SLC12A7: variants seen among roughly 807,000 people sequenced by gnomAD.
The protein encoded by SLC12A7 is solute carrier family 12 member 7, also known as K-Cl cotransporter 4.
In SLC12A7, 100 loss-of-function variants were observed where a neutral mutation model predicts 120.6. The ratio of observed to expected loss-of-function variants is 0.83; its 90% CI spans 0.71 to 0.98. SLC12A7 has a LOEUF of 0.98. Among genes scored for constraint, SLC12A7 ranks in the 50% least tolerant of loss-of-function variants. The pLI is 0.00. For missense variants in SLC12A7, 1,373 were observed against 1,548.1 expected (o/e 0.89, Z 1.90); for synonymous variants, 760 against 678.0 (o/e 1.12, Z -1.88).
rs372556472 is a variant in SLC12A7, at chr5:1,075,417, C to T, written c.1921G>A (p.Ala641Thr). Residue 641 changes from alanine to threonine, a missense_variant, in exon 15 of 24, where the codon GCC becomes ACC. Coordinates refer to ENST00000264930, the MANE Select transcript of SLC12A7 (RefSeq NM_006598.3). ...TAGATGCAGCCAGCGATGAGCATGGCGGACAGCGCGTAGTACCAGGAGCAG... is the reference window on the plus strand; with the variant it reads ...TAGATGCAGCCAGCGATGAGCATGGTGGACAGCGCGTAGTACCAGGAGCAG... The part of the protein sequence containing the change: ...FICSWYYALS[A>T]MLIAGCIYKY... 6 of 1,612,320 alleles carry T rather than the reference C, an allele frequency of 3.7e-6. No homozygotes were observed. In the African/African-American group the frequency reaches 4.0e-5, roughly 11 times the overall value.
intron 3 of SLC12A7, among the ~76,000 whole-genome samples, chr5:1,090,423 G>A (rs1217037928): frequency 1.3e-5 from 2 of 152,230 alleles, no homozygotes; most frequent in Non-Finnish European, 2.9e-5. Flanking sequence ...TCTGACGGGG[G>A]CCCTGGAGAG....
intron 10 of SLC12A7, among the ~76,000 whole-genome samples, chr5:1,079,034 C>T (rs1738691412): frequency 6.6e-6 from 1 of 152,142 alleles, no homozygotes; most frequent in Non-Finnish European, 1.5e-5. Flanking sequence ...CAGGGATTGG[C>T]AGGGGACCAT....
intron 7 of SLC12A7, 118 bp downstream of exon 7, chr5:1,085,114 C>A (rs1363474531): frequency 2.8e-6 from 4 of 1,418,228 alleles, no homozygotes; most frequent in Non-Finnish European, 3.8e-6. Flanking sequence ...ACGGTCACAC[C>A]CAGCCCACCC....
intron 4 of SLC12A7, 86 bp from the exon 5 acceptor site, chr5:1,088,446 G>C: frequency 9.9e-6 from 14 of 1,409,298 alleles, no homozygotes; most frequent in Non-Finnish European, 1.3e-5. Flanking sequence ...TCTATGACCC[G>C]GCTCCCGCCG....
chr5:1,139,458 G>A, the SLC12A7 span, among the ~76,000 whole-genome samples: 1 of 152,282 alleles, frequency 6.6e-6, no homozygotes, highest in Admixed American at 6.5e-5. Flanking sequence ...CTGGGAGCTG[G>A]GGCGGTTGAC....
intron 17 of SLC12A7, among the ~76,000 whole-genome samples, chr5:1,066,023 A>G (rs10474873): frequency 0.44 from 66,804 of 151,854 alleles, 15,116 homozygotes; most frequent in East Asian, 0.57. Context: ...ATGAGGCTGC[A>G]CCACGGAACG....
intron 17 of SLC12A7, among the ~76,000 whole-genome samples, chr5:1,069,752 C>T (rs1471065354): frequency 6.6e-6 from 1 of 152,166 alleles, no homozygotes; most frequent in Non-Finnish European, 1.5e-5. Context: ...GATGGGACCC[C>T]ACAGGCTTTC....
intron 17 of SLC12A7, among the ~76,000 whole-genome samples, chr5:1,068,194 G>A (rs899525775): frequency 6.6e-5 from 10 of 152,230 alleles, no homozygotes; most frequent in African/African-American, 2.4e-4. Flanking sequence ...CAGCACTTTG[G>A]GAGGCCGAAG....
In SLC12A7 at chr5:1,077,931, A is replaced by C. The variant is rs750160573; in HGVS notation, c.1531T>G (p.Ser511Ala). ...WPSPWVIVIG[S>A]FFSTCGAGLQ... ...CCGGCACCGCAGGTGGAGAAGAAGG[A>C]GCCGATGACGATGACCCAGGGGGAG... Residue 511 changes from serine to alanine, a missense_variant, in exon 12 of 24, where the codon TCC (serine) becomes GCC (alanine). Physicochemically the swap from Ser to Ala is moderately conservative, Grantham distance 99. Coordinates refer to ENST00000264930, the MANE Select transcript of SLC12A7 (RefSeq NM_006598.3). 1.9e-6 allele frequency: 3 copies of C among 1,601,720 alleles called. No individual in the cohort carries two copies. The highest frequency in any genetic ancestry group is 2.6e-6 in the Non-Finnish European group (3 of 1,174,802).
intron 17 of SLC12A7, among the ~76,000 whole-genome samples, chr5:1,068,329 G>A (rs1227972183): frequency 6.6e-6 from 1 of 152,248 alleles, no homozygotes; most frequent in Non-Finnish European, 1.5e-5. Flanking sequence ...CAGCTACTGG[G>A]AGGCTGAGGC....
intron 18 of SLC12A7, 37 bp from the exon 19 acceptor site, chr5:1,064,289 G>A (rs903404713): frequency 6.3e-7 from 1 of 1,588,436 alleles, no homozygotes; most frequent in Non-Finnish European, 8.6e-7. Flanking sequence ...GTCATCTGAG[G>A]CCAGGGTGCG....
At chr5:1,086,815 G>C in intron 6 of SLC12A7, 88 bp downstream of exon 6, 1 of 1,533,500 alleles carries the variant, frequency 6.5e-7, no homozygotes, top group Non-Finnish European at 8.9e-7. Flanking sequence ...TCAGTGTGCT[G>C]TGTGTGCCAC....
chr5:1,054,714 G>A (rs143090245), intron 22 of SLC12A7, among the ~76,000 whole-genome samples: 2 of 152,302 alleles, frequency 1.3e-5, no homozygotes, highest in Non-Finnish European at 2.9e-5. Flanking sequence ...CCCCACGGAC[G>A]CTATCCAGGC....
chr5:1,091,398 C>T (rs1207113953), intron 3 of SLC12A7, among the ~76,000 whole-genome samples: 1 of 152,224 alleles, frequency 6.6e-6, no homozygotes, highest in African/African-American at 2.4e-5. Flanking sequence ...CCAGTGGTGC[C>T]TGAGCCCAGC....
chr5:1,124,836 C>T, the SLC12A7 span, among the ~76,000 whole-genome samples: 10 of 152,292 alleles, frequency 6.6e-5, no homozygotes, highest in African/African-American at 2.2e-4. Context: ...AGAAAAGACA[C>T]CAGTGCTTGC....
intron 1 of SLC12A7, among the ~76,000 whole-genome samples, chr5:1,104,295 G>A (rs1457575194): frequency 6.6e-6 from 1 of 152,204 alleles, no homozygotes; most frequent in Non-Finnish European, 1.5e-5. Flanking sequence ...TCCTGCCAAG[G>A]GAAACTGAGG....
the SLC12A7 span, among the ~76,000 whole-genome samples, chr5:1,125,923 C>CAAAAAAAAAA: frequency 9.9e-6 from 1 of 100,620 alleles, no homozygotes; most frequent in African/African-American, 3.5e-5. Context: ...GGCCCTGCCT[C>CAAAAAAAAAA]AAAAAAAAAA....
At chr5:1,121,404 C>T in the SLC12A7 span, among the ~76,000 whole-genome samples, 13 of 152,166 alleles carry the variant, frequency 8.5e-5, no homozygotes, top group African/African-American at 3.1e-4. Flanking sequence ...GGGGCAGGGC[C>T]GACATCAGCG....
intron 1 of SLC12A7, among the ~76,000 whole-genome samples, chr5:1,109,894 A>G (rs1475038508): frequency 6.6e-6 from 1 of 152,182 alleles, no homozygotes; most frequent in African/African-American, 2.4e-5. Flanking sequence ...GGTGCTGGTA[A>G]CTCTGTGGCC....
Sources: allele counts gnomAD v4.1 joint callset (sites outside exome capture counted in the v4.1 genomes callset), GRCh38; gene constraint gnomAD v4.1.1; transcripts MANE v1.5; gene names NCBI Gene and HGNC (gene_info 2026-07-23, HGNC 2026-07-21).